The following FBXO11 variants were observed in gnomAD, a reference collection of about 807,000 sequenced individuals.
FBXO11 encodes the protein F-box protein 11.
FBXO11 carries 13 observed loss-of-function variants against 117.0 expected under a neutral mutation model. The ratio of observed to expected loss-of-function variants is 0.11; its 90% confidence interval spans 0.07 to 0.18. The LOEUF (loss-of-function observed/expected upper bound fraction) is 0.18, where lower values mean the gene tolerates loss of function less well. Among genes scored for constraint, FBXO11 ranks in the 10% least tolerant of loss-of-function variants. The pLI, the probability that FBXO11 is intolerant of heterozygous loss-of-function variation, is 1.00. For synonymous variants in FBXO11, 490 were observed against 380.5 expected (o/e 1.29, Z -3.35); for missense variants, 767 against 1,164.4 (o/e 0.66, Z 4.97).
chr2:47,839,841 CT>C, intron 1 of FBXO11, 72 bp from the exon 2 acceptor site: 8 of 1,414,950 alleles, frequency 5.7e-6, no homozygotes, highest in Non-Finnish European at 7.6e-6. Flanking sequence ...AGAAAACTTT[CT>C]TAAAACTTCA....
chr2:47,896,716 C>T (rs1363949082), intron 1 of FBXO11, among the ~76,000 whole-genome samples: 1 of 152,136 alleles, frequency 6.6e-6, no homozygotes, highest in African/African-American at 2.4e-5. Flanking sequence ...CTTAAAAATG[C>T]AAATGTCTTT....
chr2:47,867,778 G>GATAC (rs774529670), intron 1 of FBXO11, among the ~76,000 whole-genome samples: 17 of 152,050 alleles, frequency 1.1e-4, no homozygotes, highest in Admixed American at 3.9e-4. Context: ...TGTAGACATG[G>GATAC]ATACATACAT....
intron 1 of FBXO11, among the ~76,000 whole-genome samples, chr2:47,878,078 T>G (rs1453105505): frequency 1.3e-5 from 2 of 152,232 alleles, no homozygotes; most frequent in Non-Finnish European, 2.9e-5. Flanking sequence ...CAGGAGGCTG[T>G]CACTGCTTCC....
chr2:47,903,400 T>C (rs751466057), intron 1 of FBXO11, among the ~76,000 whole-genome samples: 24 of 152,218 alleles, frequency 1.6e-4, no homozygotes, highest in Non-Finnish European at 2.9e-4. Flanking sequence ...GGGTACATAC[T>C]GAAATTTGGA....
intron 16 of FBXO11, 169 bp from the exon 17 acceptor site, chr2:47,814,036 T>C: frequency 1.8e-6 from 1 of 555,374 alleles, no homozygotes; most frequent in Non-Finnish European, 3.3e-6. Context: ...TGCTTAATCC[T>C]GTATTTCCCA....
intron 1 of FBXO11, 122 bp downstream of exon 1, chr2:47,905,367 G>A (rs1002070826): frequency 9.1e-6 from 9 of 992,506 alleles, no homozygotes; most frequent in African/African-American, 1.7e-5. Context: ...CCTCCGCTCA[G>A]CTTGGGTCTC....
chr2:47,842,668 G>A (rs1450040550), intron 1 of FBXO11, among the ~76,000 whole-genome samples: 1 of 151,600 alleles, frequency 6.6e-6, no homozygotes, highest in Admixed American at 6.6e-5. Context: ...CAGTATGCCT[G>A]GGCTCATATG....
chr2:47,808,166 T>C lies in FBXO11; in HGVS notation c.2736A>G (p.Leu912=), dbSNP rs377413299. 50 of 1,613,362 alleles carry C rather than the reference T, an allele frequency of 3.1e-5. 1 individual carries two copies. The highest frequency in any genetic ancestry group is 4.5e-5 in the East Asian group (2 of 44,878). ...ATTCTATAGGTGGAGCAGAGTCATATAGTGTATCTGTATCATGTGTAGGCT... is the reference window on the plus strand; with the variant it reads ...ATTCTATAGGTGGAGCAGAGTCATACAGTGTATCTGTATCATGTGTAGGCT... The part of the protein sequence containing the change: ...AGEPTHDTDT[L]YDSAPPIESN... Residue 912 remains leucine, a synonymous_variant, in exon 23 of 23, where the codon CTA becomes CTG. Coordinates refer to ENST00000403359, the MANE Select transcript of FBXO11 (RefSeq NM_001190274.2).
intron 1 of FBXO11, among the ~76,000 whole-genome samples, chr2:47,847,683 G>T (rs1177366181): frequency 6.6e-6 from 1 of 152,140 alleles, no homozygotes; most frequent in Non-Finnish European, 1.5e-5. Flanking sequence ...CAGCCTGGGT[G>T]ACAGAGCGAG....
chr2:47,868,456 T>C (rs1675365456), intron 1 of FBXO11, among the ~76,000 whole-genome samples: 1 of 152,124 alleles, frequency 6.6e-6, no homozygotes. Flanking sequence ...CAAATTCATG[T>C]ACTTTATTTT....
In FBXO11 at chr2:47,899,653, T is replaced by C. The variant is rs186479139; in HGVS notation, c.232+5836A>G. ...TTACATCATACTGTCTCATTCCTTA[T>C]AGTGTATCTTCATAATTTTATTTTC... On this transcript the variant is annotated intron_variant, in intron 1 of 22. Transcript: ENST00000403359. 6.1e-4 allele frequency among the ~76,000 whole-genome samples: 93 copies of C among 152,310 alleles called. 1 individual carries two copies. In the East Asian group the frequency reaches 0.011, roughly 18 times the overall value.
intron 21 of FBXO11, 89 bp from the exon 22 acceptor site, chr2:47,808,516 CTTTAAGAGGACCAAA>C: frequency 8.2e-7 from 1 of 1,216,444 alleles, no homozygotes; most frequent in East Asian, 2.5e-5. Context: ...TGACCTTTGG[CTTTAAGAGGACCAAA>C]ACAAAATTCT....
At chr2:47,895,509 T>A (rs1405619585) in intron 1 of FBXO11, among the ~76,000 whole-genome samples, 2 of 152,158 alleles carry the variant, frequency 1.3e-5, no homozygotes, top group Non-Finnish European at 2.9e-5. Flanking sequence ...AGGAAGGCCC[T>A]TCAAGGGGGA....
At chr2:47,830,904 A>T (rs1672132138) in intron 11 of FBXO11, among the ~76,000 whole-genome samples, 1 of 152,048 alleles carries the variant, frequency 6.6e-6, no homozygotes, top group Non-Finnish European at 1.5e-5. Flanking sequence ...GGCTCAAGTG[A>T]TCCTCCTGTC....
chr2:47,848,770 A>T (rs948430861), intron 1 of FBXO11, among the ~76,000 whole-genome samples: 2 of 152,134 alleles, frequency 1.3e-5, no homozygotes, highest in African/African-American at 4.8e-5. Flanking sequence ...TAGCACTGAA[A>T]ATTTATTTTA....
At chr2:47,809,847 C>A (rs1670487562) in intron 19 of FBXO11, 140 bp from the exon 20 acceptor site, 3 of 571,832 alleles carry the variant, frequency 5.2e-6, no homozygotes, top group Non-Finnish European at 9.2e-6. Flanking sequence ...AATGTAGATA[C>A]CTATTTCAAC....
chr2:47,824,831 A>T (rs1397759769), intron 11 of FBXO11, among the ~76,000 whole-genome samples: 1 of 152,232 alleles, frequency 6.6e-6, no homozygotes. Flanking sequence ...AGTTACCATA[A>T]TTCTGATATC....
At chr2:47,817,256 G>C (rs1671070504) in intron 16 of FBXO11, among the ~76,000 whole-genome samples, 2 of 152,118 alleles carry the variant, frequency 1.3e-5, no homozygotes, top group African/African-American at 4.8e-5. Context: ...ACCTCTTTCA[G>C]CCTTCATAGA....
At chr2:47,900,448 A>G (rs1451225227) in intron 1 of FBXO11, among the ~76,000 whole-genome samples, 1 of 152,066 alleles carries the variant, frequency 6.6e-6, no homozygotes. Flanking sequence ...CACAGAAAGT[A>G]TAACTAGCAT....
Sources: allele counts gnomAD v4.1 joint callset (sites outside exome capture counted in the v4.1 genomes callset), GRCh38; gene constraint gnomAD v4.1.1; transcripts MANE v1.5; gene names NCBI Gene and HGNC (gene_info 2026-07-23, HGNC 2026-07-21).